The following RIPOR3 variants were observed in gnomAD, a reference collection of about 807,000 sequenced individuals.
The protein encoded by RIPOR3 is RIPOR family member 3.
In RIPOR3, 95 loss-of-function variants were observed where a neutral mutation model predicts 114.3. That is an observed-to-expected ratio of 0.83 (90% CI 0.70 to 0.99). RIPOR3 has a LOEUF of 0.99. Ranked by LOEUF, RIPOR3 falls within the 50% of genes least tolerant of loss-of-function variation. RIPOR3 has a pLI of 0.00. For synonymous variants in RIPOR3, 575 were observed against 543.8 expected, an observed-to-expected ratio of 1.06 and a Z score of -0.80; for missense variants, 1,252 against 1,266.9, an observed-to-expected ratio of 0.99 and a Z score of 0.18.
In RIPOR3 at chr20:50,602,560, C is replaced by A; in HGVS notation, c.1171G>T (p.Asp391Tyr). ...TSILSYLSDS[D>Y]LRGPSLRSQS... ...CTTCTTAGGCTGGGACCCCGGAGGT[C>A]GCTGTCAGACAGGTAGCTGAGGATG... is the stretch of plus-strand genomic sequence containing the variant. Residue 391 changes from aspartate to tyrosine, a missense_variant, in exon 13 of 22, where the codon GAC becomes TAC. Coordinates refer to ENST00000327979, the MANE Select transcript of RIPOR3 (RefSeq NM_001290268.2). This position sits in a 1 kb window ranked among gnomAD's most constrained non-coding sequence, Gnocchi z 4.3. 6.5e-7 allele frequency: 1 copy of A among 1,539,478 alleles called. No individual in the cohort carries two copies. The highest frequency in any genetic ancestry group is 2.3e-5 in the East Asian group (1 of 44,078).
intron 7 of RIPOR3, 107 bp from the exon 8 acceptor site, chr20:50,609,463 T>A: frequency 6.7e-6 from 10 of 1,490,528 alleles, no homozygotes; most frequent in Admixed American, 2.3e-5. Flanking sequence ...GACGCCTCCT[T>A]GGGGCCCAGA....
intron 4 of RIPOR3, among the ~76,000 whole-genome samples, chr20:50,615,210 A>C (rs1041280760): frequency 1.3e-5 from 2 of 150,960 alleles, no homozygotes; most frequent in Non-Finnish European, 2.9e-5. Context: ...TGGGCAACAC[A>C]GGGCCCAGGG....
chr20:50,609,794 C>T (rs1177335515), intron 6 of RIPOR3, 72 bp from the exon 7 acceptor site: 11 of 1,348,940 alleles, frequency 8.2e-6, no homozygotes, highest in Non-Finnish European at 1.0e-5. Context: ...GTCGACTTCT[C>T]CTCTCTGGGA....
At chr20:50,684,130 G>T (rs1241987841) in intron 1 of RIPOR3, among the ~76,000 whole-genome samples, 1 of 151,960 alleles carries the variant, frequency 6.6e-6, no homozygotes, top group Non-Finnish European at 1.5e-5. Context: ...TCCAGCAGGG[G>T]ACACTTAAGA....
At chr20:50,671,428 G>GCACACACACACACACA (rs1160861232) in intron 1 of RIPOR3, among the ~76,000 whole-genome samples, 1 of 38,158 alleles carries the variant, frequency 2.6e-5, no homozygotes, top group African/African-American at 6.3e-5. Context: ...ACGCGCGCGC[G>GCACACACACACACACA]CACACACACA....
chr20:50,655,615 C>A (rs565222967), intron 1 of RIPOR3, among the ~76,000 whole-genome samples: 1 of 152,104 alleles, frequency 6.6e-6, no homozygotes, highest in Non-Finnish European at 1.5e-5. Context: ...ATCGATCTAG[C>A]AGAGTTTTGG....
intron 12 of RIPOR3, among the ~76,000 whole-genome samples, chr20:50,603,303 A>G (rs1433250126): frequency 6.6e-6 from 1 of 152,218 alleles, no homozygotes; most frequent in Non-Finnish European, 1.5e-5. Context: ...CAGTGGCACT[A>G]TCTTGGCTCA....
intron 3 of RIPOR3, among the ~76,000 whole-genome samples, chr20:50,619,648 G>A (rs140196238): frequency 1.2e-3 from 189 of 152,298 alleles, no homozygotes; most frequent in African/African-American, 4.2e-3. Context: ...TCGACGCACT[G>A]TCTCTCTGTT....
intron 2 of RIPOR3, among the ~76,000 whole-genome samples, chr20:50,629,902 T>C (rs1265121968): frequency 2.6e-5 from 4 of 152,210 alleles, no homozygotes; most frequent in Non-Finnish European, 5.9e-5. Context: ...CCAGTTTTGC[T>C]GTGTGACCTT....
chr20:50,666,222 C>CTTT (rs199682722), intron 1 of RIPOR3, among the ~76,000 whole-genome samples: 1 of 98,502 alleles, frequency 1.0e-5, no homozygotes, highest in African/African-American at 4.3e-5. Flanking sequence ...CTTTTCTTTT[C>CTTT]TTTTTTGAGA....
At chr20:50,678,392 TACCCCCACCTCCC>T (rs2086745640) in intron 1 of RIPOR3, among the ~76,000 whole-genome samples, 1 of 152,102 alleles carries the variant, frequency 6.6e-6, no homozygotes, top group Non-Finnish European at 1.5e-5. Flanking sequence ...AGGGAGGGCC[TACCCCCACCTCCC>T]ACCCCACCCC....
At position 50,608,460 on chromosome 20, in the gene RIPOR3, C is replaced by T. The variant is rs769294751; in HGVS notation, c.885G>A (p.Thr295=). The change falls in exon 11 of 22, where the codon ACG becomes ACA. Residue 295 remains threonine (T), a synonymous_variant. Transcript: ENST00000327979. ...VTCDIADFFT[T]RPQVIVVDIT... ...TGTCCACCACGATGACCTGCGGCCG[C>T]GTCGTGAAGAAGTCGGCGATGTCAC... is the stretch of plus-strand genomic sequence containing the variant. 1.4e-5 allele frequency: 22 copies of T among 1,613,860 alleles called. No homozygotes were observed. Among genetic ancestry groups the T allele is most frequent in the African/African-American group, 5.3e-5 (4 of 74,904 alleles).
At chr20:50,660,553 G>A (rs2085957731) in intron 1 of RIPOR3, among the ~76,000 whole-genome samples, 1 of 151,962 alleles carries the variant, frequency 6.6e-6, no homozygotes, top group Non-Finnish European at 1.5e-5. Flanking sequence ...ATTCATGAGG[G>A]ATTCACCTCC....
rs752247003 is a variant in RIPOR3, at chr20:50,608,521, C to T, written c.824G>A (p.Arg275Gln). ...ACCCACAGCCAGCGAGCCCAGGCCC[C>T]GCAACTCCGTCACCTGGGGGTGGGG... ...ENLDIKVTEL[R>Q]GLGSLAVGAV... is the part of the protein sequence containing the mutation. The change falls in exon 11 of 22, where the codon CGG (arginine) becomes CAG (glutamine). Residue 275 changes from arginine (R) to glutamine (Q), a missense_variant. By Grantham distance (43) the Arg-to-Gln change is conservative (BLOSUM62 1). Transcript: ENST00000327979. The T allele has an allele frequency of 3.0e-5, 48 of 1,613,688 alleles. 1 individual carries two copies. Among genetic ancestry groups the T allele is most frequent in the South Asian group, 2.9e-4 (26 of 91,084 alleles).
chr20:50,600,380 A>T (rs188061993), intron 13 of RIPOR3, among the ~76,000 whole-genome samples: 1 of 152,352 alleles, frequency 6.6e-6, no homozygotes, highest in East Asian at 1.9e-4. Flanking sequence ...ATTTTTATGT[A>T]AATTGGGTGT....
chr20:50,638,254 C>A (rs978448102), intron 1 of RIPOR3, among the ~76,000 whole-genome samples: 2 of 152,204 alleles, frequency 1.3e-5, no homozygotes, highest in Admixed American at 1.3e-4. Context: ...ACAAGCAGCT[C>A]CTTGGGAAGC....
chr20:50,599,229 T>G (rs2083409850), intron 13 of RIPOR3, among the ~76,000 whole-genome samples: 2 of 151,956 alleles, frequency 1.3e-5, no homozygotes, highest in African/African-American at 2.4e-5. Context: ...CTGTCTCTAC[T>G]AAAAATACAA....
chr20:50,683,340 AT>A, intron 1 of RIPOR3, among the ~76,000 whole-genome samples: 1 of 152,324 alleles, frequency 6.6e-6, no homozygotes, highest in East Asian at 1.9e-4. Context: ...GGCATTTATC[AT>A]TTTATAAATA....
At chr20:50,636,378 G>A (rs2084986744) in intron 1 of RIPOR3, among the ~76,000 whole-genome samples, 1 of 152,208 alleles carries the variant, frequency 6.6e-6, no homozygotes, top group African/African-American at 2.4e-5. Flanking sequence ...CACCCCTGCT[G>A]GGGCTGGCAT....
Sources: allele counts gnomAD v4.1 joint callset (sites outside exome capture counted in the v4.1 genomes callset), GRCh38; gene constraint gnomAD v4.1.1; non-coding constraint Gnocchi (gnomAD v3.1); transcripts MANE v1.5; gene names NCBI Gene and HGNC (gene_info 2026-07-23, HGNC 2026-07-21).